The following SLC1A7 variants were observed in gnomAD, a reference collection of about 807,000 sequenced individuals.
SLC1A7 encodes the protein solute carrier family 1 member 7, also known as excitatory amino acid transporter 5.
SLC1A7 carries 40 observed loss-of-function variants against 47.7 expected under a neutral mutation model. The ratio of observed to expected loss-of-function variants is 0.84; its 90% CI spans 0.65 to 1.09. The LOEUF is 1.09. Among genes scored for constraint, SLC1A7 ranks in the 50% least tolerant of loss-of-function variants. The probability of loss-of-function intolerance (pLI) is 0.00; values close to 1 mark genes in which losing one functional copy is unlikely to be tolerated. For missense variants in SLC1A7, 746 were observed against 769.5 expected, an observed-to-expected ratio of 0.97 and a Z score of 0.36; for synonymous variants, 323 against 325.6, an observed-to-expected ratio of 0.99 and a Z score of 0.09.
intron 2 of SLC1A7, among the ~76,000 whole-genome samples, chr1:53,133,440 AG>A (rs1037237372): frequency 6.6e-6 from 1 of 152,088 alleles, no homozygotes; most frequent in African/African-American, 2.4e-5. Context: ...CACTTCACAA[AG>A]GGGGGAGGTC....
At chr1:53,100,083 C>T (rs943831458) in intron 5 of SLC1A7, among the ~76,000 whole-genome samples, 3 of 151,700 alleles carry the variant, frequency 2.0e-5, no homozygotes, top group African/African-American at 7.3e-5. Context: ...CACACCCCCA[C>T]CTTGATACCT....
At chr1:53,122,276 G>T (rs1423141542) in intron 2 of SLC1A7, among the ~76,000 whole-genome samples, 2 of 152,138 alleles carry the variant, frequency 1.3e-5, no homozygotes, top group African/African-American at 4.8e-5. Context: ...CAACCTCCTG[G>T]CAGTGGGAGG....
At chr1:53,125,204 T>C (rs566539621) in intron 2 of SLC1A7, among the ~76,000 whole-genome samples, 3 of 152,244 alleles carry the variant, frequency 2.0e-5, no homozygotes, top group Non-Finnish European at 4.4e-5. Context: ...GATTCGTTCC[T>C]ATACTAATGT....
At chr1:53,141,576 G>A (rs1645056950) in intron 1 of SLC1A7, among the ~76,000 whole-genome samples, 1 of 152,072 alleles carries the variant, frequency 6.6e-6, no homozygotes, top group Non-Finnish European at 1.5e-5. Context: ...CTTCATGGCA[G>A]TTACACAGGC....
In SLC1A7 at chr1:53,142,327, G is replaced by A; in HGVS notation, c.123C>T (p.Arg41=). 6.4e-7 allele frequency: 1 copy of A among 1,559,748 alleles called. No individual in the cohort carries two copies. Among genetic ancestry groups the A allele is most frequent in the East Asian group, 2.4e-5 (1 of 41,592 alleles). The change falls in exon 1 of 11, where the codon CGC becomes CGT. Residue 41 remains arginine (R), a synonymous_variant. Coordinates refer to ENST00000371494, the MANE Select transcript of SLC1A7 (RefSeq NM_006671.6). ...CTGGGTGGCTGACCTGTGGTGAGAG[G>A]CGCCGGGTCCTCAAGAAGAAGCCGA... ...CLLGFFLRTR[R]LSPQEISYFQ...
At chr1:53,119,114 G>A (rs1482807015) in intron 2 of SLC1A7, among the ~76,000 whole-genome samples, 1 of 152,232 alleles carries the variant, frequency 6.6e-6, no homozygotes, top group African/African-American at 2.4e-5. Flanking sequence ...ACTCGTGGCT[G>A]TTGTATTGGA....
chr1:53,099,715 C>T (rs914603814), intron 5 of SLC1A7, among the ~76,000 whole-genome samples: 21 of 126,666 alleles, frequency 1.7e-4, no homozygotes, highest in Admixed American at 6.8e-4. Flanking sequence ...CACACCACCT[C>T]GGTACACTCA....
At chr1:53,117,828 G>A (rs1443819578) in intron 2 of SLC1A7, among the ~76,000 whole-genome samples, 1 of 152,226 alleles carries the variant, frequency 6.6e-6, no homozygotes, top group Non-Finnish European at 1.5e-5. Context: ...GTAGGTTTTA[G>A]ACAGAGCAAG....
chr1:53,115,187 C>T, intron 2 of SLC1A7: 1 of 596,746 alleles, frequency 1.7e-6, no homozygotes, highest in Non-Finnish European at 3.0e-6. Flanking sequence ...CACATCTGTG[C>T]CTTGAGACCT....
intron 2 of SLC1A7, among the ~76,000 whole-genome samples, chr1:53,117,313 A>G (rs577477298): frequency 6.6e-6 from 1 of 152,348 alleles, no homozygotes; most frequent in African/African-American, 2.4e-5. Context: ...GCTCAGGAGT[A>G]GGGTGGCCTT....
In SLC1A7 at chr1:53,090,431, C is replaced by G. The variant is rs149353091; in HGVS notation, c.1226+181G>C. ...CTGGCCTCCGCTCGCCCTGTGGCCA[C>G]CAGCAATGCCCTCCCTCCCGGGCTG... On this transcript the variant is annotated intron_variant, in intron 8 of 10. Transcript: ENST00000371494. 1,414 of 1,007,442 alleles carry G rather than the reference C, an allele frequency of 1.4e-3. 44 individuals are homozygous for G. In the East Asian group the frequency reaches 0.038, roughly 27 times the overall value. The allele number at this position is 1,007,442 out of a possible 1,614,324, so 62.4% of individuals were successfully genotyped here.
chr1:53,092,896 G>A, intron 6 of SLC1A7, 109 bp from the exon 7 acceptor site: 2 of 625,482 alleles, frequency 3.2e-6, no homozygotes, highest in Non-Finnish European at 2.7e-6. Context: ...GGGCTCCTGC[G>A]AGGACAGAGC....
chr1:53,120,231 C>T (rs922914534), intron 2 of SLC1A7, among the ~76,000 whole-genome samples: 4 of 152,154 alleles, frequency 2.6e-5, no homozygotes, highest in Non-Finnish European at 4.4e-5. Flanking sequence ...TCGCACCAAC[C>T]CCTGAGGTGG....
At chr1:53,126,814 G>A (rs2150341092) in intron 2 of SLC1A7, among the ~76,000 whole-genome samples, 1 of 152,296 alleles carries the variant, frequency 6.6e-6, no homozygotes, top group Middle Eastern at 3.4e-3. Context: ...AATGTGGAGT[G>A]AGAGGATGGT....
intron 5 of SLC1A7, among the ~76,000 whole-genome samples, chr1:53,100,307 G>A (rs1015014336): frequency 1.3e-4 from 17 of 133,874 alleles, no homozygotes; most frequent in South Asian, 2.4e-4. Context: ...CACACACACC[G>A]CCTCAGTACA....
chr1:53,112,339 C>A (rs1451324445), intron 3 of SLC1A7, among the ~76,000 whole-genome samples: 1 of 152,232 alleles, frequency 6.6e-6, no homozygotes, highest in African/African-American at 2.4e-5. Context: ...TCCCCTAGAC[C>A]AACTGTTCCC....
At chr1:53,129,428 C>G (rs1330640683) in intron 2 of SLC1A7, among the ~76,000 whole-genome samples, 1 of 152,256 alleles carries the variant, frequency 6.6e-6, no homozygotes, top group East Asian at 1.9e-4. Context: ...CAACCACCCC[C>G]GCCCATGCTT....
At chr1:53,097,724 CTGCCTTGGTACAGTCACACACAG>C (rs1334994886) in intron 5 of SLC1A7, among the ~76,000 whole-genome samples, 1 of 151,534 alleles carries the variant, frequency 6.6e-6, no homozygotes, top group Non-Finnish European at 1.5e-5. Flanking sequence ...CCCACACCAC[CTGCCTTGGTACAGTCACACACAG>C]TGCCTTGGTA....
chr1:53,129,451 C>A (rs993843400), intron 2 of SLC1A7, among the ~76,000 whole-genome samples: 3 of 144,184 alleles, frequency 2.1e-5, no homozygotes, highest in Admixed American at 7.0e-5. Flanking sequence ...TGCTCCCCCG[C>A]CACATTGTGA....
Sources: allele counts gnomAD v4.1 joint callset (sites outside exome capture counted in the v4.1 genomes callset), GRCh38; gene constraint gnomAD v4.1.1; transcripts MANE v1.5; gene names NCBI Gene and HGNC (gene_info 2026-07-23, HGNC 2026-07-21).